PDCD1LG2: variants seen among roughly 807,000 people sequenced by gnomAD.
The protein encoded by PDCD1LG2 is B7 dendritic cell molecule.
A neutral mutation model predicts 28.2 loss-of-function variants in PDCD1LG2; 32 were observed. The observed-to-expected ratio is 1.13, with a 90% CI of 0.86 to 1.52. PDCD1LG2 has a LOEUF of 1.52. Ranked by LOEUF, PDCD1LG2 falls within the 40% of genes most tolerant of loss-of-function variation. The pLI is 0.00. For missense variants in PDCD1LG2, 385 were observed against 323.8 expected (o/e 1.19, Z -1.45); for synonymous variants, 116 against 120.2 (o/e 0.97, Z 0.23).
rs1167237161 is a variant in PDCD1LG2 at position 5,570,750 on chromosome 9, A to G, written c.*791A>G. The G allele has an allele frequency of 8.6e-6, 2 of 232,406 alleles. No individual in the cohort carries two copies. Among genetic ancestry groups the G allele is most frequent in the African/African-American group, 4.4e-5 (2 of 45,304 alleles). 14.4% of individuals were successfully genotyped at this position (232,406 alleles called of 1,614,324 possible). A position where few individuals can be genotyped will look rare whatever the true frequency, so the allele number is the denominator to read the frequency against. On this transcript the variant is annotated 3_prime_UTR_variant, in exon 7 of 7. Transcript: ENST00000397747. ...AGTCAAAAATATTTGATATGCTCATACGTTGTATCTGCAGCAATTTCAGAT... is the reference window on the plus strand; with the variant it reads ...AGTCAAAAATATTTGATATGCTCATGCGTTGTATCTGCAGCAATTTCAGAT...
chr9:5,524,152 G>A (rs1021578193), intron 2 of PDCD1LG2, among the ~76,000 whole-genome samples: 4 of 152,172 alleles, frequency 2.6e-5, no homozygotes, highest in African/African-American at 9.7e-5. Flanking sequence ...CATTTTGCAG[G>A]TGAGGGAACT....
Position 5,556,217 on chromosome 9 carries a change from T to C in PDCD1LG2, c.632-1401T>C, listed in dbSNP as rs866460140. On this transcript the variant is annotated intron_variant, in intron 4 of 6. Coordinates refer to ENST00000397747, the MANE Select transcript of PDCD1LG2 (RefSeq NM_025239.4). ...AGGGAACCTGCACAGGACAAGGGTT[T>C]GCATAAAGACACTGAGGTAGGGACC... 7.9e-5 allele frequency among the ~76,000 whole-genome samples: 12 copies of C among 152,290 alleles called. 1 individual carries two copies. Among genetic ancestry groups the C allele is most frequent in the Middle Eastern group, 6.8e-3 (2 of 294 alleles).
rs114435747 is a variant in PDCD1LG2, at chr9:5,554,275, G to A, written c.632-3343G>A. Among the ~76,000 whole-genome samples the A allele has an allele frequency of 4.4e-3, 671 of 152,192 alleles. 6 individuals are homozygous for A. The highest frequency in any genetic ancestry group is 0.015 in the African/African-American group (614 of 41,512). Reference sequence around the variant, plus strand: ...GTTGGAGATTCCATCTTAGATAATCGCAGTCCCATCATGCCAGCTACCAGA... The same window carrying A: ...GTTGGAGATTCCATCTTAGATAATCACAGTCCCATCATGCCAGCTACCAGA... On this transcript the variant is annotated intron_variant, in intron 4 of 6. Transcript: ENST00000397747.
At chr9:5,565,203 G>A (rs973823748) in intron 6 of PDCD1LG2, among the ~76,000 whole-genome samples, 12 of 152,054 alleles carry the variant, frequency 7.9e-5, no homozygotes, top group African/African-American at 2.7e-4. Context: ...TTTTTTTAGA[G>A]ACAGAGTCTT....
intron 1 of PDCD1LG2, among the ~76,000 whole-genome samples, chr9:5,512,630 T>C (rs1820083691): frequency 6.6e-6 from 1 of 152,214 alleles, no homozygotes; most frequent in Non-Finnish European, 1.5e-5. Context: ...GGTTCATTCA[T>C]TCCTCAATAT....
At chr9:5,554,776 G>A (rs1168322997) in intron 4 of PDCD1LG2, among the ~76,000 whole-genome samples, 2 of 152,232 alleles carry the variant, frequency 1.3e-5, no homozygotes, top group Admixed American at 1.3e-4. Flanking sequence ...GAGACCTGGA[G>A]GTGATTCCAG....
At chr9:5,524,621 G>A (rs1057103877) in intron 2 of PDCD1LG2, among the ~76,000 whole-genome samples, 1 of 151,972 alleles carries the variant, frequency 6.6e-6, no homozygotes, top group African/African-American at 2.4e-5. Context: ...TGATTTCAGA[G>A]GAGGGTACCT....
chr9:5,537,653 C>A (rs990987243), intron 3 of PDCD1LG2, among the ~76,000 whole-genome samples: 2 of 152,188 alleles, frequency 1.3e-5, no homozygotes, highest in African/African-American at 4.8e-5. Context: ...ACCGCATGTT[C>A]TCACTCATAG....
chr9:5,565,721 T>C (rs1816653900), intron 6 of PDCD1LG2, among the ~76,000 whole-genome samples: 1 of 152,202 alleles, frequency 6.6e-6, no homozygotes. Flanking sequence ...TGTCCGTTTA[T>C]CAATGTTTCT....
At chr9:5,533,877 T>C (rs1035932720) in intron 2 of PDCD1LG2, among the ~76,000 whole-genome samples, 22 of 151,240 alleles carry the variant, frequency 1.5e-4, no homozygotes, top group African/African-American at 5.4e-4. Flanking sequence ...TTTTCAGTAT[T>C]AAACAATATA....
intron 5 of PDCD1LG2, among the ~76,000 whole-genome samples, chr9:5,558,793 C>T (rs1563833400): frequency 1.3e-5 from 2 of 151,810 alleles, no homozygotes; most frequent in African/African-American, 4.8e-5. Context: ...AAGAAAAAGA[C>T]AGAGGGAGGG....
intron 3 of PDCD1LG2, among the ~76,000 whole-genome samples, chr9:5,540,497 G>A (rs542703106): frequency 6.6e-6 from 1 of 152,046 alleles, no homozygotes; most frequent in South Asian, 2.1e-4. Context: ...GAAGAGAGAA[G>A]ATCCAAATAA....
chr9:5,561,537 A>G (rs1794022151), intron 5 of PDCD1LG2, among the ~76,000 whole-genome samples: 1 of 152,224 alleles, frequency 6.6e-6, no homozygotes, highest in Admixed American at 6.5e-5. Flanking sequence ...CAATATTATT[A>G]TCTTTGAACA....
chr9:5,566,955 T>C (rs1309528951), intron 6 of PDCD1LG2, among the ~76,000 whole-genome samples: 2 of 152,240 alleles, frequency 1.3e-5, no homozygotes, highest in African/African-American at 4.8e-5. Flanking sequence ...AAAATGCCTG[T>C]AATCATGTTT....
rs754741478 is a variant in PDCD1LG2, at chr9:5,521,264, AG to A, written c.-14-1266del. On this transcript the variant is annotated intron_variant, in intron 1 of 6. Transcript: ENST00000397747. ...GCTAATGGGTAAGGGGTTCCTTTTC[AG>A]GGTAATGAAAATGTTCTAAAATTGG... 1.4e-4 allele frequency among the ~76,000 whole-genome samples: 22 copies of A among 152,164 alleles called. 1 individual carries two copies. Among genetic ancestry groups the A allele is most frequent in the Admixed American group, 1.2e-3 (19 of 15,274 alleles).
chr9:5,552,228 C>A (rs1383656405), intron 4 of PDCD1LG2, among the ~76,000 whole-genome samples: 1 of 152,174 alleles, frequency 6.6e-6, no homozygotes, highest in East Asian at 1.9e-4. Flanking sequence ...TAGCAGTGTT[C>A]AAGATTTTCA....
chr9:5,552,509 C>T (rs1180183905), intron 4 of PDCD1LG2, among the ~76,000 whole-genome samples: 3 of 152,120 alleles, frequency 2.0e-5, no homozygotes, highest in Non-Finnish European at 4.4e-5. Flanking sequence ...AGCCCTGGTA[C>T]AGACGTAGAA....
intron 3 of PDCD1LG2, among the ~76,000 whole-genome samples, chr9:5,548,698 T>G (rs1271335206): frequency 1.3e-5 from 2 of 152,220 alleles, no homozygotes; most frequent in African/African-American, 4.8e-5. Context: ...TGTGTTTGTG[T>G]GTATGTATCT....
chr9:5,537,677 A>G (rs1247950353), intron 3 of PDCD1LG2, among the ~76,000 whole-genome samples: 4 of 152,218 alleles, frequency 2.6e-5, no homozygotes, highest in African/African-American at 9.7e-5. Flanking sequence ...GGAATTGAAC[A>G]ATGAGAACAC....
Sources: gnomAD v4.1 joint callset for allele counts (sites outside exome capture counted in the v4.1 genomes callset) on GRCh38, gnomAD v4.1.1 for gene constraint, MANE v1.5 for transcripts, NCBI Gene and HGNC (gene_info 2026-07-23, HGNC 2026-07-21) for gene names.